The following RAP2A variants were observed in gnomAD, a reference collection of about 807,000 sequenced individuals.
RAP2A encodes ras-related protein Rap-2a.
In RAP2A, 5 loss-of-function variants were observed where a neutral mutation model predicts 15.1. That is an observed-to-expected ratio of 0.33 (90% CI 0.17 to 0.70). The LOEUF is 0.70. RAP2A is among the 30% of genes least tolerant of loss of function. The pLI is 0.68. For missense variants in RAP2A, 111 were observed against 240.3 expected, an observed-to-expected ratio of 0.46 and a Z score of 3.56; for synonymous variants, 110 against 99.7, an observed-to-expected ratio of 1.10 and a Z score of -0.62.
At position 97,464,427 on chromosome 13, in the gene RAP2A, A is replaced by G. The variant is rs1291826429; in HGVS notation, c.537A>G (p.Ala179=). ...ACAAAGATGACCCATGCTGTTCTGC[A>G]TGTAACATACAATAGCATCCAAATA... ...QPDKDDPCCS[A]CNIQ Residue 179 remains alanine (A), a synonymous_variant, in exon 2 of 2, where the codon GCA becomes GCG. Transcript: ENST00000245304. The G allele has an allele frequency of 6.2e-7, 1 of 1,614,046 alleles. No homozygotes were observed. Among genetic ancestry groups the G allele is most frequent in the Non-Finnish European group, 8.5e-7 (1 of 1,179,960 alleles).
chr13:97,459,352 GTAAC>G lies in RAP2A; in HGVS notation c.315-4851_315-4848del, dbSNP rs534437996. ...CTGATAATGAAAATAGAACATGAAA[GTAAC>G]TGTCATCACCCACTAACAAAGCACC... On this transcript the variant is annotated intron_variant, in intron 1 of 1. Coordinates refer to ENST00000245304, the MANE Select transcript of RAP2A (RefSeq NM_021033.7). Among the ~76,000 whole-genome samples, 24 of 152,286 alleles carry G rather than the reference GTAAC, an allele frequency of 1.6e-4. No homozygotes were observed. In the East Asian group the frequency reaches 4.4e-3, roughly 28 times the overall value.
chr13:97,461,712 C>A (rs1026008411), intron 1 of RAP2A, among the ~76,000 whole-genome samples: 43 of 151,974 alleles, frequency 2.8e-4, no homozygotes, highest in African/African-American at 1.0e-3. Context: ...GCCTGTAATC[C>A]CAGCACTTTG....
At chr13:97,440,938 C>A (rs1185733207) in intron 1 of RAP2A, among the ~76,000 whole-genome samples, 1 of 152,158 alleles carries the variant, frequency 6.6e-6, no homozygotes, top group Non-Finnish European at 1.5e-5. Context: ...CTGGGACTTA[C>A]TTATCTTGCA....
At chr13:97,455,241 A>C (rs758918968) in intron 1 of RAP2A, among the ~76,000 whole-genome samples, 1 of 151,198 alleles carries the variant, frequency 6.6e-6, no homozygotes, top group Non-Finnish European at 1.5e-5. Flanking sequence ...TCAGTTCTAA[A>C]ATTTTCATGT....
rs1317100537 is a variant in RAP2A at position 97,465,022 on chromosome 13, G to C, written c.*580G>C. The C allele has an allele frequency of 1.3e-5, 2 of 152,430 alleles. No homozygotes were observed. Among genetic ancestry groups the C allele is most frequent in the African/African-American group, 4.8e-5 (2 of 41,446 alleles). 9.4% of individuals were successfully genotyped at this position (152,430 alleles called of 1,614,324 possible). On this transcript the variant is annotated 3_prime_UTR_variant, in exon 2 of 2. Transcript: ENST00000245304. ...TCAAAATTGATGCTTAATTGTAGCT[G>C]TTATTCTAATTTGTGACATGGAACT...
intron 1 of RAP2A, among the ~76,000 whole-genome samples, chr13:97,442,465 A>G (rs1384483471): frequency 6.6e-6 from 1 of 152,154 alleles, no homozygotes; most frequent in African/African-American, 2.4e-5. Flanking sequence ...TTATAGATCC[A>G]CTCAGCAGGG....
At chr13:97,447,678 T>TG (rs1451164612) in intron 1 of RAP2A, among the ~76,000 whole-genome samples, 10 of 152,342 alleles carry the variant, frequency 6.6e-5, no homozygotes, top group Middle Eastern at 3.4e-3. Context: ...GTTTTTAGCC[T>TG]GGTGGCCATG....
chr13:97,464,170 T>C, intron 1 of RAP2A, 35 bp from the exon 2 acceptor site: 1 of 1,603,048 alleles, frequency 6.2e-7, no homozygotes, highest in African/African-American at 1.3e-5. Context: ...TGCTAACTGT[T>C]ACAATGTATG....
In RAP2A at chr13:97,464,197, T is replaced by C. The variant is rs1480642590; in HGVS notation, c.315-8T>C. 1 of 1,613,294 alleles carries C rather than the reference T, an allele frequency of 6.2e-7. No homozygotes were observed. Among genetic ancestry groups the C allele is most frequent in the Non-Finnish European group, 8.5e-7 (1 of 1,179,452 alleles). On this transcript the variant is annotated splice_region_variant and splice_polypyrimidine_tract_variant and intron_variant, in intron 1 of 1. Coordinates refer to ENST00000245304, the MANE Select transcript of RAP2A (RefSeq NM_021033.7). ...CAATGTATGTGTGTTTTGTTTATTC[T>C]CTCATAGGTATGAGAAAGTGCCAGT...
At chr13:97,439,586 T>A (rs2066647936) in intron 1 of RAP2A, among the ~76,000 whole-genome samples, 1 of 152,202 alleles carries the variant, frequency 6.6e-6, no homozygotes, top group South Asian at 2.1e-4. Context: ...ATAGCCAGCC[T>A]AATAAGTAAT....
rs1230342405 is a variant in RAP2A at position 97,467,692 on chromosome 13, T to C, written c.*3250T>C. ...CTATGGAGGTCTTTTTTTTTTTATTTAACATGTCATTGTTCATCTATTAAA... is the reference window on the plus strand; with the variant it reads ...CTATGGAGGTCTTTTTTTTTTTATTCAACATGTCATTGTTCATCTATTAAA... On this transcript the variant is annotated 3_prime_UTR_variant, in exon 2 of 2. Coordinates refer to ENST00000245304, the MANE Select transcript of RAP2A (RefSeq NM_021033.7). 1 of 152,516 alleles carries C rather than the reference T, an allele frequency of 6.6e-6. No individual in the cohort carries two copies. The highest frequency in any genetic ancestry group is 1.5e-5 in the Non-Finnish European group (1 of 68,012). The allele number at this position is 152,516 out of a possible 1,614,324, so 9.4% of individuals were successfully genotyped here.
chr13:97,464,575 A>T lies in RAP2A; in HGVS notation c.*133A>T. Reference sequence around the variant, plus strand: ...GAACTGCAGCCCTTATTCAGAATTGAGCAGTGATTGTCAGTTGATATCTCT... The same window carrying T: ...GAACTGCAGCCCTTATTCAGAATTGTGCAGTGATTGTCAGTTGATATCTCT... On this transcript the variant is annotated 3_prime_UTR_variant, in exon 2 of 2. Transcript: ENST00000245304. 1 of 828,194 alleles carries T rather than the reference A, an allele frequency of 1.2e-6. No homozygotes were observed. The highest frequency in any genetic ancestry group is 1.9e-6 in the Non-Finnish European group (1 of 515,722). 51.3% of individuals were successfully genotyped at this position (828,194 alleles called of 1,614,324 possible). A position where few individuals can be genotyped will look rare whatever the true frequency, so the allele number is the denominator to read the frequency against.
chr13:97,464,141 C>A, intron 1 of RAP2A, 64 bp from the exon 2 acceptor site: 1 of 1,525,164 alleles, frequency 6.6e-7, no homozygotes, highest in Non-Finnish European at 9.0e-7. Context: ...CGAAAATACA[C>A]GTGACCTGTT....
intron 1 of RAP2A, among the ~76,000 whole-genome samples, chr13:97,456,799 C>A (rs2066724772): frequency 6.7e-6 from 1 of 149,422 alleles, no homozygotes; most frequent in African/African-American, 2.5e-5. Flanking sequence ...CAGAGCTGGA[C>A]TGTGGTTTTC....
chr13:97,467,816 T>C lies in RAP2A; in HGVS notation c.*3374T>C, dbSNP rs1050497933. ...CAGAGATATAGTTCACAGTTAATTG[T>C]TGCGCTCTAATACAACTGACCATTT... On this transcript the variant is annotated 3_prime_UTR_variant, in exon 2 of 2. Transcript: ENST00000245304. 2.0e-5 allele frequency: 3 copies of C among 152,608 alleles called. No homozygotes were observed. The highest frequency in any genetic ancestry group is 4.4e-5 in the Non-Finnish European group (3 of 68,034). The allele number at this position is 152,608 out of a possible 1,614,324, so 9.5% of individuals were successfully genotyped here.
chr13:97,441,070 T>C (rs537800446), intron 1 of RAP2A, among the ~76,000 whole-genome samples: 1 of 152,276 alleles, frequency 6.6e-6, no homozygotes, highest in East Asian at 1.9e-4. Context: ...TTTTTGCCAC[T>C]CCAGGATTGT....
chr13:97,445,669 G>A (rs1176492250), intron 1 of RAP2A, among the ~76,000 whole-genome samples: 2 of 152,162 alleles, frequency 1.3e-5, no homozygotes, highest in Non-Finnish European at 2.9e-5. Flanking sequence ...TATCTCAATA[G>A]GTGCAGCTGC....
intron 1 of RAP2A, among the ~76,000 whole-genome samples, chr13:97,444,217 C>T (rs942154354): frequency 2.0e-5 from 3 of 152,146 alleles, no homozygotes; most frequent in African/African-American, 7.2e-5. Flanking sequence ...TTTGCCTTCC[C>T]CTAGAGACCT....
At position 97,453,176 on chromosome 13, in the gene RAP2A, TTAAG is replaced by T. The variant is rs546050170; in HGVS notation, c.315-11027_315-11024del. 1.8e-3 allele frequency among the ~76,000 whole-genome samples: 280 copies of T among 151,624 alleles called. 12 individuals are homozygous for T. Among genetic ancestry groups the T allele is most frequent in the African/African-American group, 6.3e-3 (261 of 41,228 alleles). ...TTACATATGTAATTACCTTTTTAAA[TTAAG>T]TGTTTATAATTACATGCAGTTTTAT... On this transcript the variant is annotated intron_variant, in intron 1 of 1. Transcript: ENST00000245304.
Sources: allele counts gnomAD v4.1 joint callset (sites outside exome capture counted in the v4.1 genomes callset), GRCh38; gene constraint gnomAD v4.1.1; transcripts MANE v1.5; gene names NCBI Gene and HGNC (gene_info 2026-07-23, HGNC 2026-07-21).